The following VPS25 variants were observed in gnomAD, a reference collection of about 807,000 sequenced individuals.
VPS25 encodes vacuolar protein-sorting-associated protein 25.
A neutral mutation model predicts 30.3 loss-of-function variants in VPS25; 21 were observed. The observed-to-expected ratio is 0.69, with a 90% CI of 0.49 to 1.00. VPS25 has a LOEUF of 1.00. VPS25 is among the 50% of genes least tolerant of loss of function. The pLI is 0.00. For missense variants in VPS25, 156 were observed against 217.2 expected (o/e 0.72, Z 1.77); for synonymous variants, 101 against 88.1 (o/e 1.15, Z -0.82).
chr17:42,773,888 C>T lies in VPS25; in HGVS notation c.199+10C>T, dbSNP rs1370695047. The T allele has an allele frequency of 2.5e-6, 4 of 1,610,930 alleles. No homozygotes were observed. Among genetic ancestry groups the T allele is most frequent in the African/African-American group, 1.3e-5 (1 of 74,920 alleles). The stretch of plus-strand genomic sequence containing the variant: ...AACGTCAAGCTACAGCGTATCCTCC[C>T]TCAGGCTCTTCCACAGCCCATACAC... On this transcript the variant is annotated intron_variant, in intron 2 of 5. Transcript: ENST00000253794.
intron 3 of VPS25, chr17:42,775,151 C>T (rs955948861): frequency 1.1e-5 from 5 of 474,548 alleles, no homozygotes; most frequent in African/African-American, 9.9e-5. Context: ...TCAAGTGATC[C>T]TCCCATCTCA....
intron 4 of VPS25, 83 bp from the exon 5 acceptor site, chr17:42,776,162 G>A (rs2054434211): frequency 1.6e-6 from 2 of 1,239,816 alleles, no homozygotes; most frequent in East Asian, 4.7e-5. Context: ...ATCATTCCTG[G>A]ATCAGAGGGG....
rs1321719297 is a variant in VPS25 at position 42,778,879 on chromosome 17, G to A, written c.419-78G>A. The A allele has an allele frequency of 7.2e-6, 10 of 1,387,914 alleles. No individual in the cohort carries two copies. The East Asian group carries it at 9.5e-5, about 13-fold the overall frequency. The allele number at this position is 1,387,914 out of a possible 1,614,324, so 86.0% of individuals were successfully genotyped here. The stretch of plus-strand genomic sequence containing the variant: ...GCATACCCTGCCTCTGGGAGGTCTC[G>A]GCTTCCAGCCAGAGCACTCTCCTCA... On this transcript the variant is annotated intron_variant, in intron 5 of 5. Coordinates refer to ENST00000253794, the MANE Select transcript of VPS25 (RefSeq NM_032353.4).
rs1023866011 is a variant in VPS25, at chr17:42,774,450, T to G, written c.200-196T>G. On this transcript the variant is annotated intron_variant, in intron 2 of 5. Coordinates refer to ENST00000253794, the MANE Select transcript of VPS25 (RefSeq NM_032353.4). ...ATGCAGTGGCACAATCACATAAAGC[T>G]CCTTTTAATTGGAAGAGTTTCTCTT... 1.9e-5 allele frequency: 8 copies of G among 420,800 alleles called. No individual in the cohort carries two copies. In the Admixed American group the frequency reaches 3.0e-4, roughly 16 times the overall value. 26.1% of individuals were successfully genotyped at this position (420,800 alleles called of 1,614,324 possible). A position where few individuals can be genotyped will look rare whatever the true frequency, so the allele number is the denominator to read the frequency against.
chr17:42,774,723 T>G, intron 3 of VPS25, 24 bp downstream of exon 3: 1 of 1,606,090 alleles, frequency 6.2e-7, no homozygotes, highest in Non-Finnish European at 8.5e-7. Context: ...CCCAGATTCC[T>G]TATTTTTCTT....
chr17:42,778,881 C>A, intron 5 of VPS25, 76 bp from the exon 6 acceptor site: 1 of 1,430,634 alleles, frequency 7.0e-7, no homozygotes, highest in Non-Finnish European at 9.7e-7. Context: ...GAGGTCTCGG[C>A]TTCCAGCCAG....
chr17:42,779,412 C>T lies in VPS25; in HGVS notation c.*343C>T. 4.6e-6 allele frequency: 1 copy of T among 215,160 alleles called. No individual in the cohort carries two copies. The highest frequency in any genetic ancestry group is 9.7e-6 in the Non-Finnish European group (1 of 102,838). The allele number at this position is 215,160 out of a possible 1,614,324, so 13.3% of individuals were successfully genotyped here. The stretch of plus-strand genomic sequence containing the variant: ...GCGCCTGCAGCACATGCTTCTGTCT[C>T]CTCCTCCTCCCACCCCTTTAGCTGC... On this transcript the variant is annotated 3_prime_UTR_variant, in exon 6 of 6. Transcript: ENST00000253794.
chr17:42,775,535 T>G, intron 4 of VPS25, 66 bp downstream of exon 4: 3 of 1,316,222 alleles, frequency 2.3e-6, no homozygotes, highest in Non-Finnish European at 2.2e-6. Context: ...TATTAGGGCC[T>G]AGCAGATAGC....
At chr17:42,773,635 C>T in intron 1 of VPS25, 98 bp from the exon 2 acceptor site, 4 of 1,605,300 alleles carry the variant, frequency 2.5e-6, no homozygotes, top group Non-Finnish European at 3.4e-6. Flanking sequence ...GACCCGTCGG[C>T]CAACACCCTC....
At chr17:42,774,518 A>G (rs1328861754) in intron 2 of VPS25, 128 bp from the exon 3 acceptor site, 1 of 608,942 alleles carries the variant, frequency 1.6e-6, no homozygotes, top group Non-Finnish European at 2.9e-6. Context: ...AATTCATATC[A>G]TGTTGGGAAA....
intron 5 of VPS25, 27 bp downstream of exon 5, chr17:42,776,347 G>A: frequency 1.2e-6 from 2 of 1,604,594 alleles, no homozygotes; most frequent in South Asian, 2.2e-5. Flanking sequence ...CCCACTCATA[G>A]TTAATTTTTT....
rs370009496 is a variant in VPS25 at position 42,773,894 on chromosome 17, C to G, written c.199+16C>G. The stretch of plus-strand genomic sequence containing the variant: ...AAGCTACAGCGTATCCTCCCTCAGG[C>G]TCTTCCACAGCCCATACACATGCAC... On this transcript the variant is annotated intron_variant, in intron 2 of 5. Transcript: ENST00000253794. The G allele has an allele frequency of 2.3e-5, 37 of 1,609,326 alleles. No individual in the cohort carries two copies. Among genetic ancestry groups the G allele is most frequent in the Non-Finnish European group, 2.9e-5 (34 of 1,179,168 alleles).
intron 3 of VPS25, chr17:42,775,018 CCT>C: frequency 2.7e-6 from 1 of 368,210 alleles, no homozygotes; most frequent in Non-Finnish European, 4.9e-6. Flanking sequence ...TATTTTTTTG[CCT>C]CTTTGTTTCT....
intron 3 of VPS25, 67 bp from the exon 4 acceptor site, chr17:42,775,313 CG>C: frequency 7.7e-7 from 1 of 1,295,806 alleles, no homozygotes; most frequent in Non-Finnish European, 1.1e-6. Context: ...GCAGTCCTCC[CG>C]CCTTGGCCTC....
At position 42,776,309 on chromosome 17, in the gene VPS25, C is replaced by A; in HGVS notation, c.407C>A (p.Thr136Lys). 1 of 1,613,480 alleles carries A rather than the reference C, an allele frequency of 6.2e-7. No homozygotes were observed. Among genetic ancestry groups the A allele is most frequent in the African/African-American group, 1.3e-5 (1 of 75,030 alleles). ...TLYELTNGED[T>K]EDEEFHGLDE... ...TATGAACTGACTAATGGGGAAGACA[C>A]AGAGGATGAGGGTAATGCCTTTCCC... Residue 136 changes from threonine (T) to lysine (K), a missense_variant, in exon 5 of 6, where the codon ACA (threonine) becomes AAA (lysine). By Grantham distance (78) the Thr-to-Lys change is moderately conservative. Transcript: ENST00000253794.
intron 3 of VPS25, chr17:42,774,991 A>C: frequency 5.0e-6 from 2 of 397,224 alleles, no homozygotes; most frequent in South Asian, 6.1e-5. Flanking sequence ...AGTCTCTTCC[A>C]CTCTGTCCCA....
chr17:42,775,153 C>A, intron 3 of VPS25: 1 of 482,462 alleles, frequency 2.1e-6, no homozygotes, highest in Non-Finnish European at 3.7e-6. Context: ...AAGTGATCCT[C>A]CCATCTCAGC....
At chr17:42,775,075 C>T (rs2054428858) in intron 3 of VPS25, 1 of 372,692 alleles carries the variant, frequency 2.7e-6, no homozygotes. Context: ...GATAAGGTCT[C>T]ACTCTGTCAT....
chr17:42,778,669 T>C (rs1055959439), intron 5 of VPS25, among the ~76,000 whole-genome samples: 2 of 152,216 alleles, frequency 1.3e-5, no homozygotes, highest in African/African-American at 4.8e-5. Context: ...CTGAAGCAGA[T>C]GGTGTCATTC....
Sources: allele counts gnomAD v4.1 joint callset (sites outside exome capture counted in the v4.1 genomes callset), GRCh38; gene constraint gnomAD v4.1.1; transcripts MANE v1.5; gene names NCBI Gene and HGNC (gene_info 2026-07-23, HGNC 2026-07-21).